Variants in STK10 observed in about 807,000 individuals in gnomAD.
STK10 encodes the protein serine/threonine-protein kinase 10.
Under a neutral mutation model 113.8 loss-of-function variants are expected in STK10, and 78 were observed. The observed-to-expected ratio is 0.69, with a 90% CI of 0.57 to 0.83. The LOEUF (loss-of-function observed/expected upper bound fraction) is 0.83, where lower values mean the gene tolerates loss of function less well. Among genes scored for constraint, STK10 ranks in the 40% least tolerant of loss-of-function variants. STK10 has a pLI of 0.00. For synonymous variants in STK10, 465 were observed against 494.7 expected (o/e 0.94, Z 0.80); for missense variants, 1,109 against 1,280.1 (o/e 0.87, Z 2.04).
intron 1 of STK10, among the ~76,000 whole-genome samples, chr5:172,175,980 C>T (rs1770752086): frequency 6.6e-6 from 1 of 152,170 alleles, no homozygotes. Flanking sequence ...CAACTCCCTA[C>T]TCATCTATCT....
chr5:172,115,450 T>G (rs1769359826), intron 4 of STK10, among the ~76,000 whole-genome samples: 1 of 152,084 alleles, frequency 6.6e-6, no homozygotes, highest in Admixed American at 6.5e-5. Flanking sequence ...GATACGGTCC[T>G]GGCAGCGTTA....
At position 172,093,819 on chromosome 5, in the gene STK10, A is replaced by G. The variant is rs1166346932; in HGVS notation, c.1147T>C (p.Ser383Pro). ...GTGGTTTGGAGGGATCTGTCCCCAG[A>G]GGGCTGGCTGCAGGGCTCATTCACA... Reference protein sequence around the residue: ...DSVNEPCSQPSGDRSLQTTSP... With the variant: ...DSVNEPCSQPPGDRSLQTTSP... Residue 383 changes from serine to proline, a missense_variant, in exon 9 of 19, where the codon TCT becomes CCT. By Grantham distance (74) the Ser-to-Pro change is moderately conservative. Transcript: ENST00000176763. This position sits in a 1 kb window ranked among gnomAD's most constrained non-coding sequence, Gnocchi z 4.1. 4 of 1,605,208 alleles carry G rather than the reference A, an allele frequency of 2.5e-6. No individual in the cohort carries two copies. The highest frequency in any genetic ancestry group is 3.4e-6 in the Non-Finnish European group (4 of 1,173,748).
chr5:172,111,031 A>G (rs1394525114), intron 4 of STK10, among the ~76,000 whole-genome samples: 1 of 152,146 alleles, frequency 6.6e-6, no homozygotes, highest in Non-Finnish European at 1.5e-5. Context: ...AAGAGGGGAC[A>G]GGGGGCCCTC....
intron 6 of STK10, among the ~76,000 whole-genome samples, 172 bp downstream of exon 6, chr5:172,106,448 G>A (rs573515480): frequency 7.4e-6 from 1 of 135,316 alleles, no homozygotes; most frequent in Non-Finnish European, 1.6e-5. Flanking sequence ...AGGCACGAAG[G>A]GCCCGGGGGG....
intron 12 of STK10, among the ~76,000 whole-genome samples, chr5:172,074,526 T>C (rs1768267543): frequency 2.6e-5 from 4 of 152,168 alleles, no homozygotes; most frequent in Admixed American, 2.6e-4. Flanking sequence ...ATAATAATAG[T>C]GAACCTAACC....
rs753851627 is a variant in STK10, at chr5:172,127,419, G to T, written c.324C>A (p.Ile108=). Reference sequence around the variant, plus strand: ...CTCCCCCTGGACAGAACTCAATCATGATCTGCAGAAAACACAGGGCAAAGT... The same window carrying T: ...CTCCCCCTGGACAGAACTCAATCATTATCTGCAGAAAACACAGGGCAAAGT... ...GAYYHDGKLW[I]MIEFCPGGAV... is the part of the protein sequence containing the mutation. The change falls in exon 3 of 19, where the codon ATC becomes ATA. Residue 108 remains isoleucine (I), a splice_region_variant and synonymous_variant. Coordinates refer to ENST00000176763, the MANE Select transcript of STK10 (RefSeq NM_005990.4). The T allele has an allele frequency of 2.5e-6, 4 of 1,613,690 alleles. No homozygotes were observed. The East Asian group carries it at 8.9e-5, about 36-fold the overall frequency.
chr5:172,164,697 G>T (rs1474739530), intron 1 of STK10, among the ~76,000 whole-genome samples: 1 of 152,170 alleles, frequency 6.6e-6, no homozygotes, highest in Non-Finnish European at 1.5e-5. Context: ...TCCATGCTCT[G>T]ATGAGAGCCG....
chr5:172,102,495 G>A (rs1333551943), intron 7 of STK10, among the ~76,000 whole-genome samples: 1 of 152,182 alleles, frequency 6.6e-6, no homozygotes, highest in Non-Finnish European at 1.5e-5. Context: ...CTGCACGCTG[G>A]GTGCGTGGAG....
In STK10 at chr5:172,093,404, G is replaced by C. The variant is rs71607593; in HGVS notation, c.1554+8C>G. The C allele has an allele frequency of 1.3e-6, 2 of 1,577,542 alleles. No individual in the cohort carries two copies. Among genetic ancestry groups the C allele is most frequent in the Admixed American group, 3.5e-5 (2 of 56,476 alleles). ...GCTGCAAGCCCGTGGTGGCAGAGGC[G>C]GTGTTACCTTGATGGACAGAGAGCC... is the stretch of plus-strand genomic sequence containing the variant. On this transcript the variant is annotated splice_region_variant and intron_variant, in intron 9 of 18. Transcript: ENST00000176763. The surrounding 1 kb of genome is among the most constrained non-coding windows in gnomAD (Gnocchi z 4.1).
In STK10 at chr5:172,113,054, T is replaced by A. The variant is rs117738259; in HGVS notation, c.520+4427A>T. ...TGAGCCAACGCGCCCGACCCACTTT[T>A]GTTCTTTAAAATGTTTTTGATAGAG... On this transcript the variant is annotated intron_variant, in intron 4 of 18. Transcript: ENST00000176763. Among the ~76,000 whole-genome samples the A allele has an allele frequency of 8.4e-4, 128 of 152,364 alleles. 1 individual carries two copies. The East Asian group carries it at 0.023, about 28-fold the overall frequency.
intron 10 of STK10, among the ~76,000 whole-genome samples, chr5:172,087,152 GT>G (rs1431618833): frequency 6.7e-6 from 1 of 148,538 alleles, no homozygotes; most frequent in Non-Finnish European, 1.5e-5. Flanking sequence ...GTGTGTGTGT[GT>G]GGTGTATGCA....
chr5:172,175,744 C>CAAAGAAA (rs1770747168), intron 1 of STK10, among the ~76,000 whole-genome samples: 1 of 152,144 alleles, frequency 6.6e-6, no homozygotes, highest in African/African-American at 2.4e-5. Flanking sequence ...CCAACAAGCC[C>CAAAGAAA]GTTTGTCTTT....
At chr5:172,158,062 A>G (rs1187426464) in intron 1 of STK10, among the ~76,000 whole-genome samples, 1 of 152,194 alleles carries the variant, frequency 6.6e-6, no homozygotes, top group East Asian at 1.9e-4. Context: ...TATGTGAGGA[A>G]TAAGAGGGTA....
rs1201862581 is a variant in STK10 at position 172,043,543 on chromosome 5, T to C, written c.*1339A>G. Reference sequence around the variant, plus strand: ...AGCAGATATCTTCCTGGAGAAACCATACATTTTATAGTTGTTTCAATAAAA... The same window carrying C: ...AGCAGATATCTTCCTGGAGAAACCACACATTTTATAGTTGTTTCAATAAAA... On this transcript the variant is annotated 3_prime_UTR_variant, in exon 19 of 19. Transcript: ENST00000176763. 3 of 152,216 alleles carry C rather than the reference T, an allele frequency of 2.0e-5. No individual in the cohort carries two copies. The highest frequency in any genetic ancestry group is 1.3e-4 in the Admixed American group (2 of 15,280). 9.4% of individuals were successfully genotyped at this position (152,216 alleles called of 1,614,324 possible).
chr5:172,158,122 T>C (rs1770392536), intron 1 of STK10, among the ~76,000 whole-genome samples: 1 of 152,066 alleles, frequency 6.6e-6, no homozygotes, highest in South Asian at 2.1e-4. Context: ...AAATGGAAAA[T>C]AACAAGTGTT....
At chr5:172,131,162 T>C (rs962555612) in intron 2 of STK10, among the ~76,000 whole-genome samples, 5 of 151,082 alleles carry the variant, frequency 3.3e-5, no homozygotes, top group Admixed American at 6.6e-5. Context: ...GCCTCCCGAG[T>C]AGCTGGGACT....
intron 12 of STK10, among the ~76,000 whole-genome samples, chr5:172,070,933 C>G (rs1336613747): frequency 6.6e-6 from 1 of 151,914 alleles, no homozygotes; most frequent in Non-Finnish European, 1.5e-5. Flanking sequence ...TAAGAAGAAA[C>G]AGGCCAGGGG....
chr5:172,102,174 G>C (rs1769004829), intron 7 of STK10, among the ~76,000 whole-genome samples: 1 of 152,178 alleles, frequency 6.6e-6, no homozygotes, highest in African/African-American at 2.4e-5. Context: ...AGTGAGAGGT[G>C]GTGGTGGCCC....
chr5:172,153,374 G>T (rs1250108282), intron 2 of STK10, among the ~76,000 whole-genome samples: 1 of 152,182 alleles, frequency 6.6e-6, no homozygotes, highest in African/African-American at 2.4e-5. Context: ...CTGGTCTAGA[G>T]CATTTTGGCT....
Sources: allele counts gnomAD v4.1 joint callset (sites outside exome capture counted in the v4.1 genomes callset), GRCh38; gene constraint gnomAD v4.1.1; non-coding constraint Gnocchi (gnomAD v3.1); transcripts MANE v1.5; gene names NCBI Gene and HGNC (gene_info 2026-07-23, HGNC 2026-07-21).